DTX1: variants seen among roughly 807,000 people sequenced by gnomAD.
The protein encoded by DTX1 is E3 ubiquitin-protein ligase DTX1.
Under a neutral mutation model 57.8 loss-of-function variants are expected in DTX1, and 26 were observed. The observed-to-expected ratio is 0.45, with a 90% CI of 0.33 to 0.62. The LOEUF (loss-of-function observed/expected upper bound fraction) is 0.62, where lower values mean the gene tolerates loss of function less well. DTX1 is among the 20% of genes least tolerant of loss of function. DTX1 has a pLI of 0.02. For missense variants in DTX1, 704 were observed against 895.3 expected (o/e 0.79, Z 2.73); for synonymous variants, 398 against 394.1 (o/e 1.01, Z -0.12).
chr12:113,082,047 C>T (rs917836941), intron 3 of DTX1, among the ~76,000 whole-genome samples: 2 of 152,094 alleles, frequency 1.3e-5, no homozygotes, highest in Admixed American at 6.5e-5. Context: ...CCTCCTCTGA[C>T]CTGCCAGAGC....
chr12:113,067,520 T>C (rs1197399327), intron 2 of DTX1, among the ~76,000 whole-genome samples: 1 of 152,210 alleles, frequency 6.6e-6, no homozygotes, highest in African/African-American at 2.4e-5. Flanking sequence ...GGGCAACTAA[T>C]AGAAGTGTGT....
chr12:113,076,003 G>T (rs1187086843), intron 2 of DTX1, among the ~76,000 whole-genome samples: 1 of 151,652 alleles, frequency 6.6e-6, no homozygotes, highest in Non-Finnish European at 1.5e-5. Flanking sequence ...GGTAGAATGT[G>T]AAGTATATCT....
intron 3 of DTX1, among the ~76,000 whole-genome samples, chr12:113,090,982 G>A (rs754892597): frequency 1.3e-5 from 2 of 152,224 alleles, no homozygotes; most frequent in South Asian, 2.1e-4. Context: ...CCCCACAGGC[G>A]GTGCGGAATC....
At position 113,077,955 on chromosome 12, in the gene DTX1, C is replaced by T; in HGVS notation, c.791C>T (p.Ala264Val). 9.9e-7 allele frequency: 1 copy of T among 1,014,508 alleles called. No homozygotes were observed. Among genetic ancestry groups the T allele is most frequent in the Non-Finnish European group, 1.2e-6 (1 of 850,904 alleles). The allele number at this position is 1,014,508 out of a possible 1,614,324, so 62.8% of individuals were successfully genotyped here. The change falls in exon 3 of 10, where the codon GCC (alanine) becomes GTC (valine). Residue 264 changes from alanine to valine, a missense_variant. Around this residue, in one of 3 missense-constraint regions of DTX1, gnomAD observed 299 missense variants for 311.2 expected, o/e 0.96. Coordinates refer to ENST00000548759, the MANE Select transcript of DTX1 (RefSeq NM_004416.3). The surrounding 1 kb of genome is among the most constrained non-coding windows in gnomAD (Gnocchi z 7.8). The stretch of plus-strand genomic sequence containing the variant: ...GCCGCGCTCTGGGCAGCGCCCGCCG[C>T]CGGCCCCGCCGAGCCCGCGCCGCCT... ...TGAALWAAPA[A>V]GPAEPAPPPG...
intron 3 of DTX1, among the ~76,000 whole-genome samples, chr12:113,083,892 G>A (rs915212009): frequency 6.6e-6 from 1 of 152,198 alleles, no homozygotes; most frequent in African/African-American, 2.4e-5. Flanking sequence ...TTGAGGCTTG[G>A]CCTCTCTAGC....
rs772328217 is a variant in DTX1, at chr12:113,077,841, C to T, written c.677C>T (p.Ala226Val). The T allele has an allele frequency of 2.2e-6, 3 of 1,339,120 alleles. No homozygotes were observed. The highest frequency in any genetic ancestry group is 9.5e-7 in the Non-Finnish European group (1 of 1,055,114). 83.0% of individuals were successfully genotyped at this position (1,339,120 alleles called of 1,614,324 possible). A position where few individuals can be genotyped will look rare whatever the true frequency, so the allele number is the denominator to read the frequency against. The change falls in exon 3 of 10, where the codon GCG becomes GTG. Residue 226 changes from alanine (A) to valine (V), a missense_variant. Physicochemically the swap from Ala to Val is moderately conservative, Grantham distance 64 (BLOSUM62 0). Transcript: ENST00000548759. This position sits in a 1 kb window ranked among gnomAD's most constrained non-coding sequence, Gnocchi z 7.8. ...ATCCTGGCCTCGCAGCGCCGCAAGG[C>T]GCCCCCCGCGCCCCCGCTGCCGCCG... Reference protein sequence around the residue: ...NAILASQRRKAPPAPPLPPPP... With the variant: ...NAILASQRRKVPPAPPLPPPP...
Position 113,079,515 on chromosome 12 carries a change from C to CTTTTTTTTTT in DTX1, c.941+1431_941+1440dup, listed in dbSNP as rs3038193. 3.9e-5 allele frequency among the ~76,000 whole-genome samples: 3 copies of CTTTTTTTTTT among 77,174 alleles called. 1 individual carries two copies. Among genetic ancestry groups the CTTTTTTTTTT allele is most frequent in the African/African-American group, 1.8e-4 (3 of 16,414 alleles). 50.6% of individuals were successfully genotyped at this position (77,174 alleles called of 152,430 possible). A position where few individuals can be genotyped will look rare whatever the true frequency, so the allele number is the denominator to read the frequency against. On this transcript the variant is annotated intron_variant, in intron 3 of 9. Transcript: ENST00000548759. ...TTCGAATCCCCTCTTGGCCACTTCT[C>CTTTTTTTTTT]TTTTTTTTTTTTTTTTTTTTTTTTT...
intron 2 of DTX1, among the ~76,000 whole-genome samples, chr12:113,074,651 G>T (rs1353664796): frequency 6.6e-6 from 1 of 152,232 alleles, no homozygotes; most frequent in African/African-American, 2.4e-5. Context: ...GCATTGAGCA[G>T]GATCCCTCTG....
At position 113,095,148 on chromosome 12, in the gene DTX1, G is replaced by C; in HGVS notation, c.1493G>C (p.Gly498Ala). ...EFHLIPHSLPGFPDTQTIRIV... is the reference protein window; with the variant it reads ...EFHLIPHSLPAFPDTQTIRIV... ...CACCTCATCCCCCACTCGCTGCCCGGCTTCCCTGATACCCAGACCATCCGC... is the reference window on the plus strand; with the variant it reads ...CACCTCATCCCCCACTCGCTGCCCGCCTTCCCTGATACCCAGACCATCCGC... Residue 498 changes from glycine to alanine, a missense_variant, in exon 8 of 10, where the codon GGC becomes GCC. Physicochemically the swap from Gly to Ala is moderately conservative, Grantham distance 60. This residue lies in a region of DTX1 where 168 missense variants were observed against 255.6 expected (regional missense o/e 0.66). Coordinates refer to ENST00000548759, the MANE Select transcript of DTX1 (RefSeq NM_004416.3). The C allele has an allele frequency of 2.5e-6, 4 of 1,613,496 alleles. No individual in the cohort carries two copies. Among genetic ancestry groups the C allele is most frequent in the Non-Finnish European group, 3.4e-6 (4 of 1,179,478 alleles).
Position 113,093,544 on chromosome 12 carries a change from A to T in DTX1, c.1009A>T (p.Thr337Ser), listed in dbSNP as rs1950262456. ...CTGCGCCCCCTAACCCCCAGGGATG[A>T]CCGGGATACTGCTGTGCGCGGCCGG... Reference protein sequence around the residue: ...GPVHPALAGMTGILLCAAGLP... With the variant: ...GPVHPALAGMSGILLCAAGLP... Residue 337 changes from threonine (T) to serine (S), a missense_variant, in exon 5 of 10, where the codon ACC (threonine) becomes TCC (serine). Thr to Ser is a moderately conservative substitution (Grantham distance 58). Around this residue, in one of 3 missense-constraint regions of DTX1, gnomAD observed 299 missense variants for 311.2 expected, o/e 0.96. Coordinates refer to ENST00000548759, the MANE Select transcript of DTX1 (RefSeq NM_004416.3). This position sits in a 1 kb window ranked among gnomAD's most constrained non-coding sequence, Gnocchi z 4.2. The T allele has an allele frequency of 6.2e-7, 1 of 1,605,052 alleles. No homozygotes were observed. Among genetic ancestry groups the T allele is most frequent in the Non-Finnish European group, 8.5e-7 (1 of 1,176,002 alleles).
In DTX1 at chr12:113,077,387, C is replaced by G. The variant is rs2044779891; in HGVS notation, c.260-37C>G. 1 of 1,561,574 alleles carries G rather than the reference C, an allele frequency of 6.4e-7. No individual in the cohort carries two copies. Among genetic ancestry groups the G allele is most frequent in the Non-Finnish European group, 8.6e-7 (1 of 1,160,934 alleles). ...CCCTTCCAGCCGCGCAGACCAACGC[C>G]CGCTGTGCTGACGCCTCCTCCCCAT... On this transcript the variant is annotated intron_variant, in intron 2 of 9. Transcript: ENST00000548759. The surrounding 1 kb of genome is among the most constrained non-coding windows in gnomAD (Gnocchi z 7.8).
chr12:113,067,864 T>C (rs1447690433), intron 2 of DTX1, among the ~76,000 whole-genome samples: 1 of 121,318 alleles, frequency 8.2e-6, no homozygotes. Flanking sequence ...AAACCCCATC[T>C]CCACCAAATA....
intron 2 of DTX1, among the ~76,000 whole-genome samples, chr12:113,070,293 G>GGCCCAGCCACT (rs1398668363): frequency 6.6e-6 from 1 of 152,194 alleles, no homozygotes; most frequent in Non-Finnish European, 1.5e-5. Context: ...CTCTGACTGG[G>GGCCCAGCCACT]GCCCAGCCAC....
intron 2 of DTX1, among the ~76,000 whole-genome samples, chr12:113,074,185 C>A (rs759390309): frequency 6.6e-6 from 1 of 152,150 alleles, no homozygotes; most frequent in South Asian, 2.1e-4. Context: ...GCCGAGATCA[C>A]GCCACTGCAC....
intron 3 of DTX1, among the ~76,000 whole-genome samples, chr12:113,086,930 A>G (rs1420352892): frequency 3.4e-5 from 1 of 29,528 alleles, no homozygotes; most frequent in Non-Finnish European, 6.5e-5. Flanking sequence ...CCTGCCCCCC[A>G]CCTGAAGCAC....
intron 2 of DTX1, among the ~76,000 whole-genome samples, chr12:113,073,057 A>G (rs892806775): frequency 1.3e-5 from 2 of 151,948 alleles, no homozygotes; most frequent in Non-Finnish European, 2.9e-5. Context: ...TGCACCTCCT[A>G]TCCCGGCCCC....
Position 113,093,168 on chromosome 12 carries a change from C to G in DTX1, c.948C>G (p.Pro316=). 6.3e-7 allele frequency: 1 copy of G among 1,597,906 alleles called. No homozygotes were observed. Among genetic ancestry groups the G allele is most frequent in the Non-Finnish European group, 8.5e-7 (1 of 1,172,580 alleles). ...TCTTCTCTTCTCCCCGCAGGGTCCC[C>G]GCACTCCCGGTGAAGAACTTGAATG... ...SARASIPPGV[P]ALPVKNLNGT... is the part of the protein sequence containing the mutation. The change falls in exon 4 of 10, where the codon CCC becomes CCG. Residue 316 remains proline, a synonymous_variant. Transcript: ENST00000548759. This position sits in a 1 kb window ranked among gnomAD's most constrained non-coding sequence, Gnocchi z 4.2.
intron 3 of DTX1, among the ~76,000 whole-genome samples, chr12:113,083,771 C>G (rs145093568): frequency 1.1e-3 from 161 of 152,326 alleles, no homozygotes; most frequent in African/African-American, 3.8e-3. Flanking sequence ...GCCTTTTCCT[C>G]TTAGTCACTC....
intron 3 of DTX1, among the ~76,000 whole-genome samples, chr12:113,081,277 C>T (rs181097917): frequency 3.8e-4 from 58 of 151,724 alleles, no homozygotes; most frequent in African/African-American, 1.3e-3. Flanking sequence ...TGCAGTGAGC[C>T]GAGATCACGC....
Sources: gnomAD v4.1 joint callset for allele counts (sites outside exome capture counted in the v4.1 genomes callset) on GRCh38, gnomAD v4.1.1 for gene constraint, gnomAD v4.1.1 regional missense constraint, Gnocchi (gnomAD v3.1) non-coding constraint, MANE v1.5 for transcripts, NCBI Gene and HGNC (gene_info 2026-07-23, HGNC 2026-07-21) for gene names.